The following CCDC85A variants were observed in gnomAD, a reference collection of about 807,000 sequenced individuals.
The protein encoded by CCDC85A is coiled-coil domain containing 85A, also known as coiled-coil domain-containing protein 85A.
A neutral mutation model predicts 50.2 loss-of-function variants in CCDC85A; 38 were observed. That is an observed-to-expected ratio of 0.76 (90% CI 0.58 to 0.99). CCDC85A has a LOEUF of 0.99. Among genes scored for constraint, CCDC85A ranks in the 50% least tolerant of loss-of-function variants. The pLI is 0.00. For missense variants in CCDC85A, 820 were observed against 742.0 expected, an observed-to-expected ratio of 1.11 and a Z score of -1.22; for synonymous variants, 366 against 301.4, an observed-to-expected ratio of 1.21 and a Z score of -2.22.
chr2:56,372,344 G>A lies in CCDC85A; in HGVS notation c.1318G>A (p.Ala440Thr). ...LEEENRMLPQ[A>T]SQNRRQPPTR... is the part of the protein sequence containing the mutation. ...TGTACCATATTGTTCCAAATATAAG[G>A]CCAGCCAGAATAGAAGGCAACCTCC... The change falls in exon 4 of 6, where the codon GCC (alanine) becomes ACC (threonine). Residue 440 changes from alanine (A) to threonine (T), a missense_variant and splice_region_variant. Physicochemically the swap from Ala to Thr is moderately conservative, Grantham distance 58 (BLOSUM62 0). Coordinates refer to ENST00000407595, the MANE Select transcript of CCDC85A (RefSeq NM_001080433.2). 2 of 1,570,634 alleles carry A rather than the reference G, an allele frequency of 1.3e-6. No individual in the cohort carries two copies. Among genetic ancestry groups the A allele is most frequent in the Non-Finnish European group, 1.7e-6 (2 of 1,157,374 alleles).
intron 3 of CCDC85A, among the ~76,000 whole-genome samples, chr2:56,367,707 C>T (rs573241009): frequency 7.9e-5 from 12 of 152,204 alleles, no homozygotes; most frequent in African/African-American, 1.7e-4. Flanking sequence ...AAATCACCCC[C>T]GCCCCCAATG....
At chr2:56,214,428 T>G (rs908691542) in intron 2 of CCDC85A, among the ~76,000 whole-genome samples, 3 of 151,966 alleles carry the variant, frequency 2.0e-5, no homozygotes, top group African/African-American at 7.2e-5. Context: ...ACACTGTAGA[T>G]GAAGATCAGT....
chr2:56,356,735 A>G (rs1345271568), intron 3 of CCDC85A, among the ~76,000 whole-genome samples: 2 of 151,342 alleles, frequency 1.3e-5, no homozygotes, highest in East Asian at 3.9e-4. Flanking sequence ...CTCAAGGAAA[A>G]AAAAAAAAAA....
At chr2:56,292,374 C>T (rs575557772) in intron 2 of CCDC85A, among the ~76,000 whole-genome samples, 11 of 152,322 alleles carry the variant, frequency 7.2e-5, no homozygotes, top group South Asian at 2.1e-4. Flanking sequence ...TGAGCCACCA[C>T]ATCCGGCCTG....
chr2:56,250,440 A>G (rs1330589129), intron 2 of CCDC85A, among the ~76,000 whole-genome samples: 1 of 152,188 alleles, frequency 6.6e-6, no homozygotes, highest in African/African-American at 2.4e-5. Context: ...AAGTTATTGT[A>G]CTAGCCTATC....
At chr2:56,214,979 A>G (rs1677331277) in intron 2 of CCDC85A, among the ~76,000 whole-genome samples, 1 of 151,956 alleles carries the variant, frequency 6.6e-6, no homozygotes, top group Non-Finnish European at 1.5e-5. Flanking sequence ...ATACTTTAAC[A>G]GTATTGAGTC....
chr2:56,200,719 G>T (rs973507308), intron 2 of CCDC85A, among the ~76,000 whole-genome samples: 1 of 152,124 alleles, frequency 6.6e-6, no homozygotes, highest in African/African-American at 2.4e-5. Flanking sequence ...ATACTGGTTT[G>T]TTGTTCCAAA....
At chr2:56,273,392 A>C (rs1573147816) in intron 2 of CCDC85A, among the ~76,000 whole-genome samples, 1 of 152,262 alleles carries the variant, frequency 6.6e-6, no homozygotes, top group Middle Eastern at 3.4e-3. Context: ...GCAGTATTCC[A>C]ATGATGGGAA....
rs924078647 is a variant in CCDC85A at position 56,327,043 on chromosome 2, T to C, written c.1241-15836T>C. ...GTGCTTTATTCTTTTTCTCAGAACA[T>C]TGTAACATTGTCTTAAATATTTTCT... On this transcript the variant is annotated intron_variant, in intron 2 of 5. Transcript: ENST00000407595. 7.9e-5 allele frequency among the ~76,000 whole-genome samples: 12 copies of C among 152,162 alleles called. No individual in the cohort carries two copies. The East Asian group carries it at 1.3e-3, about 17-fold the overall frequency.
At chr2:56,188,361 T>C (rs932813525) in intron 1 of CCDC85A, among the ~76,000 whole-genome samples, 2 of 152,204 alleles carry the variant, frequency 1.3e-5, no homozygotes, top group African/African-American at 4.8e-5. Flanking sequence ...AGTGGGCCAA[T>C]ACTCACTCCT....
rs185350623 is a variant in CCDC85A, at chr2:56,330,179, A to T, written c.1241-12700A>T. Among the ~76,000 whole-genome samples, 83 of 152,184 alleles carry T rather than the reference A, an allele frequency of 5.5e-4. 1 individual carries two copies. Among genetic ancestry groups the T allele is most frequent in the Non-Finnish European group, 8.8e-4 (60 of 68,008 alleles). On this transcript the variant is annotated intron_variant, in intron 2 of 5. Coordinates refer to ENST00000407595, the MANE Select transcript of CCDC85A (RefSeq NM_001080433.2). ...AACAGTGGAAAGTAAGACACATTTT[A>T]ACCCTGAATAGCTGTTATAATGGTG...
chr2:56,333,351 A>C (rs1344699526), intron 2 of CCDC85A, among the ~76,000 whole-genome samples: 1 of 152,174 alleles, frequency 6.6e-6, no homozygotes, highest in African/African-American at 2.4e-5. Flanking sequence ...GGTACAACTA[A>C]GGCAAAGTTC....
chr2:56,219,630 G>A (rs542045495), intron 2 of CCDC85A, among the ~76,000 whole-genome samples: 1 of 151,716 alleles, frequency 6.6e-6, no homozygotes, highest in Non-Finnish European at 1.5e-5. Context: ...ACCCCTGGAT[G>A]CTTACCCTCC....
At chr2:56,205,301 A>AT (rs1236928741) in intron 2 of CCDC85A, among the ~76,000 whole-genome samples, 2 of 151,926 alleles carry the variant, frequency 1.3e-5, no homozygotes, top group African/African-American at 2.4e-5. Context: ...GGTTTTGATG[A>AT]TTTTTTCCTG....
intron 3 of CCDC85A, among the ~76,000 whole-genome samples, chr2:56,354,466 T>TTACCGGATTCA (rs1215638005): frequency 6.6e-6 from 1 of 152,234 alleles, no homozygotes; most frequent in Non-Finnish European, 1.5e-5. Context: ...GATACCTGAT[T>TTACCGGATTCA]TACCGGATTC....
rs187963360 is a variant in CCDC85A at position 56,385,833 on chromosome 2, A to T, written c.*1478A>T. 6.6e-6 allele frequency: 1 copy of T among 151,736 alleles called. No homozygotes were observed. Among genetic ancestry groups the T allele is most frequent in the South Asian group, 2.1e-4 (1 of 4,836 alleles). The allele number at this position is 151,736 out of a possible 1,614,324, so 9.4% of individuals were successfully genotyped here. A position where few individuals can be genotyped will look rare whatever the true frequency, so the allele number is the denominator to read the frequency against. ...TTACTATAGAATTATCTCTCTAATT[A>T]TCATAATTGGGTTACAATTTAAGCT... On this transcript the variant is annotated 3_prime_UTR_variant, in exon 6 of 6. Coordinates refer to ENST00000407595, the MANE Select transcript of CCDC85A (RefSeq NM_001080433.2).
chr2:56,257,103 C>G (rs1363540595), intron 2 of CCDC85A, among the ~76,000 whole-genome samples: 1 of 152,158 alleles, frequency 6.6e-6, no homozygotes, highest in Non-Finnish European at 1.5e-5. Context: ...TGCTTTTATT[C>G]AGTTTGTAAA....
intron 2 of CCDC85A, among the ~76,000 whole-genome samples, chr2:56,202,078 C>G (rs1676769477): frequency 6.6e-6 from 1 of 152,076 alleles, no homozygotes; most frequent in Admixed American, 6.6e-5. Flanking sequence ...TGATAAAGAC[C>G]CTAAATGGAA....
intron 2 of CCDC85A, among the ~76,000 whole-genome samples, chr2:56,251,537 T>G (rs918276783): frequency 6.6e-6 from 1 of 152,174 alleles, no homozygotes; most frequent in Non-Finnish European, 1.5e-5. Context: ...TTGTATCATG[T>G]TGCAACCTCC....
Sources: allele counts gnomAD v4.1 joint callset (sites outside exome capture counted in the v4.1 genomes callset), GRCh38; gene constraint gnomAD v4.1.1; transcripts MANE v1.5; gene names NCBI Gene and HGNC (gene_info 2026-07-23, HGNC 2026-07-21).